ATE1: variants seen among roughly 807,000 people sequenced by gnomAD.
ATE1 encodes arginyl-tRNA--protein transferase 1.
ATE1 carries 36 observed loss-of-function variants against 70.5 expected under a neutral mutation model. The observed-to-expected ratio is 0.51, with a 90% confidence interval of 0.39 to 0.67. The LOEUF is 0.67. Ranked by LOEUF, ATE1 falls within the 30% of genes least tolerant of loss-of-function variation. The pLI is 0.00. For missense variants in ATE1, 593 were observed against 629.5 expected (o/e 0.94, Z 0.62); for synonymous variants, 232 against 219.3 (o/e 1.06, Z -0.51).
At chr10:121,840,972 A>G (rs1948606952) in intron 9 of ATE1, 110 bp downstream of exon 9, 2 of 1,016,964 alleles carry the variant, frequency 2.0e-6, no homozygotes, top group African/African-American at 3.3e-5. Context: ...AAATCATTAT[A>G]ATACACTGTC....
At chr10:121,898,133 T>C (rs1468345150) in intron 7 of ATE1, among the ~76,000 whole-genome samples, 1 of 152,110 alleles carries the variant, frequency 6.6e-6, no homozygotes, top group East Asian at 1.9e-4. Context: ...GCCATCTCAT[T>C]CATTTCAATA....
intron 10 of ATE1, among the ~76,000 whole-genome samples, chr10:121,800,171 T>C (rs1232101832): frequency 6.6e-6 from 1 of 152,210 alleles, no homozygotes; most frequent in Non-Finnish European, 1.5e-5. Flanking sequence ...TTAAATATTA[T>C]ACTATTTTTT....
chr10:121,844,815 G>C (rs185830325), intron 8 of ATE1, among the ~76,000 whole-genome samples: 1 of 151,852 alleles, frequency 6.6e-6, no homozygotes, highest in Non-Finnish European at 1.5e-5. Flanking sequence ...GAAAGATGCC[G>C]ATCTGAAAAG....
chr10:121,743,338 C>CA lies in ATE1; in HGVS notation c.*341dup, dbSNP rs1321825128. On this transcript the variant is annotated 3_prime_UTR_variant, in exon 12 of 12. Coordinates refer to ENST00000224652, the MANE Select transcript of ATE1 (RefSeq NM_001001976.3). ...TCTGTTTTAATTTCTCTAACAGAAC[C>CA]AAAAAAAATGCACAACTGTGATTAA... 12 of 193,036 alleles carry CA rather than the reference C, an allele frequency of 6.2e-5. No individual in the cohort carries two copies. The highest frequency in any genetic ancestry group is 1.8e-4 in the South Asian group (1 of 5,672). 12.0% of individuals were successfully genotyped at this position (193,036 alleles called of 1,614,324 possible). A position where few individuals can be genotyped will look rare whatever the true frequency, so the allele number is the denominator to read the frequency against.
At chr10:121,754,514 T>G (rs994562726) in intron 11 of ATE1, among the ~76,000 whole-genome samples, 7 of 152,212 alleles carry the variant, frequency 4.6e-5, no homozygotes, top group Admixed American at 1.3e-4. Context: ...AGAATGAGAT[T>G]CCGTGAGTCA....
intron 8 of ATE1, among the ~76,000 whole-genome samples, chr10:121,855,482 C>T (rs910540115): frequency 1.3e-5 from 2 of 152,126 alleles, no homozygotes; most frequent in African/African-American, 2.4e-5. Context: ...AGATCTGAAA[C>T]GATGAGTTTC....
intron 10 of ATE1, among the ~76,000 whole-genome samples, chr10:121,817,305 C>T (rs1017387828): frequency 2.0e-5 from 3 of 152,090 alleles, no homozygotes; most frequent in Non-Finnish European, 4.4e-5. Context: ...CTTTGGGAGG[C>T]CAAGGCGGGC....
intron 11 of ATE1, among the ~76,000 whole-genome samples, chr10:121,777,920 C>T (rs567720012): frequency 4.6e-5 from 7 of 152,224 alleles, no homozygotes; most frequent in Admixed American, 1.3e-4. Context: ...ATTTCATAAA[C>T]GCAAACATTA....
intron 10 of ATE1, among the ~76,000 whole-genome samples, chr10:121,812,596 T>A (rs1195482766): frequency 6.6e-6 from 1 of 152,186 alleles, no homozygotes; most frequent in Non-Finnish European, 1.5e-5. Context: ...TGATGTTATG[T>A]TTTGCTTATT....
Position 121,902,574 on chromosome 10 carries a change from T to A in ATE1, c.630A>T (p.Glu210Asp). The change falls in exon 6 of 12, where the codon GAA (glutamate) becomes GAT (aspartate). Residue 210 changes from glutamate (E) to aspartate (D), a missense_variant. Glu to Asp is a conservative substitution (Grantham distance 45, BLOSUM62 2). Around this residue, in one of 3 missense-constraint regions of ATE1, gnomAD observed 467 missense variants for 469.6 expected, o/e 0.99. Coordinates refer to ENST00000224652, the MANE Select transcript of ATE1 (RefSeq NM_001001976.3). ...LSKPPCRKAK[E>D]IRKERKRLKL... is the part of the protein sequence containing the mutation. ...TTAACCTTTTCCTTTCTTTCCGGAT[T>A]TCCTTTGCTTTTCGACATGGAGGCT... 1 of 1,613,992 alleles carries A rather than the reference T, an allele frequency of 6.2e-7. No individual in the cohort carries two copies. Among genetic ancestry groups the A allele is most frequent in the African/African-American group, 1.3e-5 (1 of 75,054 alleles).
chr10:121,769,264 T>C (rs1253706043), intron 11 of ATE1, among the ~76,000 whole-genome samples: 1 of 152,184 alleles, frequency 6.6e-6, no homozygotes, highest in Non-Finnish European at 1.5e-5. Context: ...AACTAATTTT[T>C]GACAAAGTTG....
At chr10:121,860,294 C>A (rs1342402665) in intron 8 of ATE1, among the ~76,000 whole-genome samples, 1 of 152,152 alleles carries the variant, frequency 6.6e-6, no homozygotes, top group Non-Finnish European at 1.5e-5. Context: ...AGACCAAAGC[C>A]TGAAATTCCC....
intron 10 of ATE1, among the ~76,000 whole-genome samples, chr10:121,832,913 G>A (rs1948299817): frequency 6.6e-6 from 1 of 152,142 alleles, no homozygotes; most frequent in African/African-American, 2.4e-5. Flanking sequence ...TTAACAACAA[G>A]AGCAGGCATT....
intron 9 of ATE1, among the ~76,000 whole-genome samples, chr10:121,838,482 T>G (rs760613149): frequency 1.3e-5 from 2 of 152,170 alleles, no homozygotes; most frequent in Non-Finnish European, 2.9e-5. Context: ...TTTGCTAACC[T>G]TCACTTGAAC....
chr10:121,922,217 C>A (rs1447857822), intron 3 of ATE1, 132 bp downstream of exon 3: 9 of 649,774 alleles, frequency 1.4e-5, no homozygotes, highest in Admixed American at 3.0e-5. Context: ...AAAGACATAA[C>A]TCATTTACTT....
intron 8 of ATE1, among the ~76,000 whole-genome samples, chr10:121,841,597 C>G (rs1948631276): frequency 6.6e-6 from 1 of 152,098 alleles, no homozygotes; most frequent in South Asian, 2.1e-4. Context: ...TAAAAAGGAA[C>G]AAAATAATGG....
rs1944215036 is a variant in ATE1 at position 121,743,533 on chromosome 10, C to T, written c.*147G>A. On this transcript the variant is annotated 3_prime_UTR_variant, in exon 12 of 12. Transcript: ENST00000224652. The stretch of plus-strand genomic sequence containing the variant: ...TGAGATTCTCACAGATACATTGCCA[C>T]AAAATATTTTTTAAAAGCCATAGAT... 4 of 1,329,452 alleles carry T rather than the reference C, an allele frequency of 3.0e-6. No individual in the cohort carries two copies. The Admixed American group carries it at 1.1e-4, about 36-fold the overall frequency. The allele number at this position is 1,329,452 out of a possible 1,614,324, so 82.4% of individuals were successfully genotyped here.
At chr10:121,884,819 T>C (rs1950331694) in intron 7 of ATE1, among the ~76,000 whole-genome samples, 1 of 152,222 alleles carries the variant, frequency 6.6e-6, no homozygotes, top group Non-Finnish European at 1.5e-5. Context: ...TAGTAATAAA[T>C]GTCTTGTCAC....
intron 8 of ATE1, among the ~76,000 whole-genome samples, chr10:121,867,991 C>A (rs1370536203): frequency 6.6e-6 from 1 of 152,140 alleles, no homozygotes; most frequent in Non-Finnish European, 1.5e-5. Flanking sequence ...TATTGAACTA[C>A]AATTACTCAA....
Sources: allele counts gnomAD v4.1 joint callset (sites outside exome capture counted in the v4.1 genomes callset), GRCh38; gene constraint gnomAD v4.1.1; regional missense constraint gnomAD v4.1.1; transcripts MANE v1.5; gene names NCBI Gene and HGNC (gene_info 2026-07-23, HGNC 2026-07-21).